The following ME3 variants were observed in gnomAD, a reference collection of about 807,000 sequenced individuals.
The protein encoded by ME3 is malic enzyme 3.
Under a neutral mutation model 68.9 loss-of-function variants are expected in ME3, and 48 were observed. That is an observed-to-expected ratio of 0.70 (90% confidence interval 0.55 to 0.89). The LOEUF is 0.89. Among genes scored for constraint, ME3 ranks in the 40% least tolerant of loss-of-function variants. ME3 has a pLI of 0.00. For missense variants in ME3, 675 were observed against 797.4 expected (o/e 0.85, Z 1.85); for synonymous variants, 320 against 318.8 (o/e 1.00, Z -0.04).
At chr11:86,643,280 A>T (rs1430800818) in intron 2 of ME3, among the ~76,000 whole-genome samples, 1 of 147,882 alleles carries the variant, frequency 6.8e-6, no homozygotes, top group Non-Finnish European at 1.5e-5. Context: ...CTAAGGTTTA[A>T]CTCTTCATGC....
At chr11:86,671,823 G>A (rs1278567657) in exon 2 of ME3, 3 of 1,600,814 alleles carry the variant, frequency 1.9e-6, no homozygotes, top group Non-Finnish European at 2.6e-6. Context: ...CACAGGGCGC[G>A]CCGGGCCAGG....
intron 2 of ME3, among the ~76,000 whole-genome samples, chr11:86,648,027 AT>A (rs1354206679): frequency 6.6e-6 from 1 of 152,234 alleles, no homozygotes; most frequent in East Asian, 1.9e-4. Context: ...TCCTCAGCAA[AT>A]GCAAAAGAAT....
chr11:86,447,895 A>G (rs1396723036), intron 11 of ME3, among the ~76,000 whole-genome samples: 4 of 150,724 alleles, frequency 2.7e-5, no homozygotes, highest in Admixed American at 2.6e-4. Flanking sequence ...AAAGAGAGAG[A>G]GAGACAGACT....
downstream of ME3, chr11:86,436,479 A>G (rs572360763): frequency 1.3e-5 from 2 of 152,084 alleles, no homozygotes; most frequent in Non-Finnish European, 2.9e-5. Context: ...CCTCCCAAAA[A>G]AAAGTGTTTC....
intron 8 of ME3, among the ~76,000 whole-genome samples, chr11:86,462,210 A>G (rs1298456147): frequency 6.6e-6 from 1 of 152,218 alleles, no homozygotes; most frequent in Non-Finnish European, 1.5e-5. Flanking sequence ...TTCAATACAT[A>G]TATTTTTTAA....
intron 2 of ME3, among the ~76,000 whole-genome samples, chr11:86,646,922 T>G (rs1427319623): frequency 1.3e-5 from 2 of 152,182 alleles, no homozygotes; most frequent in African/African-American, 4.8e-5. Flanking sequence ...AAAATAATTT[T>G]CAAGCCAGAA....
intron 2 of ME3, among the ~76,000 whole-genome samples, chr11:86,615,271 C>T (rs897238996): frequency 1.3e-5 from 2 of 151,958 alleles, no homozygotes; most frequent in Admixed American, 1.3e-4. Flanking sequence ...TGGAGGTTAC[C>T]CAAGAAATCA....
intron 8 of ME3, among the ~76,000 whole-genome samples, chr11:86,450,704 A>T (rs1211137310): frequency 1.3e-5 from 2 of 152,216 alleles, no homozygotes; most frequent in East Asian, 3.8e-4. Context: ...ATAATGGAAG[A>T]CAAAAAGAAG....
At chr11:86,662,632 G>T (rs1946355765) in intron 2 of ME3, among the ~76,000 whole-genome samples, 2 of 152,008 alleles carry the variant, frequency 1.3e-5, no homozygotes, top group African/African-American at 4.8e-5. Flanking sequence ...TTTAAAACAG[G>T]AATAATATAA....
intron 4 of ME3, among the ~76,000 whole-genome samples, chr11:86,543,381 A>T (rs619472): frequency 1.3e-5 from 2 of 152,002 alleles, no homozygotes; most frequent in Non-Finnish European, 2.9e-5. Context: ...AGAGTCAAGA[A>T]CCATTGGTGT....
intron 7 of ME3, among the ~76,000 whole-genome samples, chr11:86,486,041 G>C (rs1432598759): frequency 6.6e-6 from 1 of 152,048 alleles, no homozygotes; most frequent in Non-Finnish European, 1.5e-5. Flanking sequence ...CTATGCTGAT[G>C]TCCTTGTCTT....
At chr11:86,618,198 G>T (rs553824009) in intron 2 of ME3, among the ~76,000 whole-genome samples, 1 of 149,460 alleles carries the variant, frequency 6.7e-6, no homozygotes, top group South Asian at 2.1e-4. Flanking sequence ...TACTTGGGAG[G>T]CTGAGGTGAG....
intron 2 of ME3, among the ~76,000 whole-genome samples, chr11:86,576,973 C>A (rs1958151341): frequency 6.6e-6 from 1 of 152,196 alleles, no homozygotes. Flanking sequence ...ATGTTCCAAA[C>A]CCAATTCTGC....
At chr11:86,437,117 C>G (rs948935114), downstream of ME3, 2 of 152,156 alleles carry the variant, frequency 1.3e-5, no homozygotes, top group African/African-American at 4.8e-5. Flanking sequence ...ATTCCACATT[C>G]TTTGTTCATG....
chr11:86,664,042 C>T (rs922205793), intron 2 of ME3, among the ~76,000 whole-genome samples: 1 of 152,196 alleles, frequency 6.6e-6, no homozygotes, highest in Admixed American at 6.5e-5. Flanking sequence ...TAGAAGATAA[C>T]TAATAATAAA....
intron 2 of ME3, among the ~76,000 whole-genome samples, chr11:86,598,438 G>A (rs183015696): frequency 2.3e-4 from 35 of 152,356 alleles, no homozygotes; most frequent in African/African-American, 8.2e-4. Flanking sequence ...GGTAAACGAA[G>A]CAGCCAGGAA....
intron 4 of ME3, among the ~76,000 whole-genome samples, chr11:86,520,380 A>T (rs993861106): frequency 6.6e-6 from 1 of 152,232 alleles, no homozygotes; most frequent in Non-Finnish European, 1.5e-5. Flanking sequence ...GAGTACATGG[A>T]AAACAAGTGT....
At chr11:86,610,668 G>C (rs971820254) in intron 2 of ME3, among the ~76,000 whole-genome samples, 1 of 151,022 alleles carries the variant, frequency 6.6e-6, no homozygotes, top group African/African-American at 2.4e-5. Context: ...TGTGGGGTTG[G>C]GGGGTGGCTC....
intron 5 of ME3, among the ~76,000 whole-genome samples, chr11:86,499,538 G>A (rs1398656595): frequency 6.6e-6 from 1 of 152,182 alleles, no homozygotes; most frequent in Non-Finnish European, 1.5e-5. Flanking sequence ...GTAAAGAGAT[G>A]AAGACCCATT....
Sources: gnomAD v4.1 joint callset for allele counts (sites outside exome capture counted in the v4.1 genomes callset) on GRCh38, gnomAD v4.1.1 for gene constraint, MANE v1.5 for transcripts, NCBI Gene and HGNC (gene_info 2026-07-23, HGNC 2026-07-21) for gene names.